The following SLC8A1 variants were observed in gnomAD, a reference collection of about 807,000 sequenced individuals.
The protein encoded by SLC8A1 is sodium/calcium exchanger 1.
SLC8A1 carries 18 observed loss-of-function variants against 68.3 expected under a neutral mutation model. That is an observed-to-expected ratio of 0.26 (90% CI 0.18 to 0.39). The LOEUF (loss-of-function observed/expected upper bound fraction) is 0.39, where lower values mean the gene tolerates loss of function less well. Ranked by LOEUF, SLC8A1 falls within the 10% of genes least tolerant of loss-of-function variation. The pLI is 1.00. For missense variants in SLC8A1, 985 were observed against 1,156.7 expected (o/e 0.85, Z 2.15); for synonymous variants, 475 against 415.5 (o/e 1.14, Z -1.74).
intron 2 of SLC8A1, among the ~76,000 whole-genome samples, chr2:40,358,276 CAAA>C (rs375073331): frequency 1.5e-5 from 2 of 135,304 alleles, no homozygotes; most frequent in African/African-American, 2.6e-5. Flanking sequence ...CAGATTAAGA[CAAA>C]AAAAAAAAAG....
intron 2 of SLC8A1, among the ~76,000 whole-genome samples, chr2:40,287,476 G>C (rs1197575737): frequency 5.3e-5 from 8 of 151,952 alleles, no homozygotes; most frequent in African/African-American, 1.9e-4. Flanking sequence ...ATGTTCTATT[G>C]TTCCAATAAG....
chr2:40,200,219 T>TATAAATATATATATATA (rs1558722197), intron 2 of SLC8A1, among the ~76,000 whole-genome samples: 1 of 2,928 alleles, frequency 3.4e-4, no homozygotes, highest in African/African-American at 8.3e-4. Flanking sequence ...TATATATATA[T>TATAAATATATATATATA]TTTTTTATAT....
chr2:40,172,643 C>G (rs1400427822), intron 4 of SLC8A1, among the ~76,000 whole-genome samples: 1 of 152,076 alleles, frequency 6.6e-6, no homozygotes, highest in South Asian at 2.1e-4. Flanking sequence ...AGAAGGAAGG[C>G]CCTTAAAACA....
At chr2:40,275,882 G>T (rs1232652087) in intron 2 of SLC8A1, among the ~76,000 whole-genome samples, 1 of 152,108 alleles carries the variant, frequency 6.6e-6, no homozygotes, top group East Asian at 1.9e-4. Context: ...CCTATTCCAG[G>T]CTTGAGGGCT....
At chr2:40,238,025 A>G (rs2060647036) in intron 2 of SLC8A1, among the ~76,000 whole-genome samples, 2 of 152,208 alleles carry the variant, frequency 1.3e-5, no homozygotes, top group Admixed American at 6.5e-5. Context: ...AGACAGGGAC[A>G]TTTAAGTCTG....
At chr2:40,213,579 T>A (rs942177749) in intron 2 of SLC8A1, 1 of 152,180 alleles carries the variant, frequency 6.6e-6, no homozygotes, top group African/African-American at 2.4e-5. Flanking sequence ...TTGGGGTACT[T>A]AACCAAAGTC....
intron 2 of SLC8A1, among the ~76,000 whole-genome samples, chr2:40,185,309 T>C (rs2050501985): frequency 6.6e-6 from 1 of 152,222 alleles, no homozygotes. Context: ...ATCGCAGCAT[T>C]ATTCATAATA....
At chr2:40,300,277 C>T (rs2071206334) in intron 2 of SLC8A1, among the ~76,000 whole-genome samples, 1 of 152,106 alleles carries the variant, frequency 6.6e-6, no homozygotes, top group Non-Finnish European at 1.5e-5. Flanking sequence ...ATTCTTACTG[C>T]AATCCTATAA....
At chr2:40,326,879 C>A (rs1342864335) in intron 2 of SLC8A1, among the ~76,000 whole-genome samples, 1 of 152,136 alleles carries the variant, frequency 6.6e-6, no homozygotes, top group Non-Finnish European at 1.5e-5. Flanking sequence ...AGAGAAGGAT[C>A]CTAACCAGAC....
chr2:40,216,962 G>C (rs1192213553), intron 2 of SLC8A1, among the ~76,000 whole-genome samples: 2 of 152,172 alleles, frequency 1.3e-5, no homozygotes, highest in Non-Finnish European at 2.9e-5. Context: ...TGTTCACTCT[G>C]AGGATAGTTT....
intron 2 of SLC8A1, among the ~76,000 whole-genome samples, chr2:40,328,776 TTCC>T (rs2076109117): frequency 1.3e-5 from 2 of 152,080 alleles, no homozygotes; most frequent in African/African-American, 4.8e-5. Context: ...GACTTCCAAT[TTCC>T]TCCTATTGTA....
chr2:40,408,358 T>C (rs1174558950), intron 2 of SLC8A1, among the ~76,000 whole-genome samples: 1 of 152,198 alleles, frequency 6.6e-6, no homozygotes, highest in African/African-American at 2.4e-5. Flanking sequence ...TAGCTTAGAC[T>C]GTGGATATCC....
chr2:40,196,807 T>C (rs745771724), intron 2 of SLC8A1, among the ~76,000 whole-genome samples: 1 of 152,054 alleles, frequency 6.6e-6, no homozygotes, highest in Non-Finnish European at 1.5e-5. Flanking sequence ...TGATCAGGTG[T>C]CATATTCAGG....
chr2:40,362,020 G>T (rs1363723162), intron 2 of SLC8A1, among the ~76,000 whole-genome samples: 1 of 145,646 alleles, frequency 6.9e-6, no homozygotes, highest in African/African-American at 2.5e-5. Context: ...TCAACCTCCT[G>T]AGTAGCTGGG....
chr2:40,217,307 G>C (rs971925060), intron 2 of SLC8A1, among the ~76,000 whole-genome samples: 1 of 152,078 alleles, frequency 6.6e-6, no homozygotes, highest in African/African-American at 2.4e-5. Context: ...GTAGATGTGT[G>C]GTGTTATTTC....
At chr2:40,352,925 A>C (rs12712692) in intron 2 of SLC8A1, among the ~76,000 whole-genome samples, 81,933 of 151,902 alleles carry the variant, frequency 0.54, 23,005 homozygotes, top group African/African-American at 0.7. Context: ...TATCTAATAC[A>C]TCTACGAGAA....
intron 2 of SLC8A1, among the ~76,000 whole-genome samples, chr2:40,292,170 G>T (rs905443007): frequency 6.6e-6 from 1 of 152,036 alleles, no homozygotes; most frequent in Admixed American, 6.6e-5. Context: ...AATATACAGG[G>T]TTCTTCTCTT....
intron 2 of SLC8A1, among the ~76,000 whole-genome samples, chr2:40,281,209 A>G (rs2067466103): frequency 6.6e-6 from 1 of 152,120 alleles, no homozygotes; most frequent in South Asian, 2.1e-4. Flanking sequence ...TTAGCTTTTC[A>G]AAGAATTTCA....
chr2:40,202,002 GCATGCTGGTGTGTGTACA>G (rs1041575903), intron 2 of SLC8A1, among the ~76,000 whole-genome samples: 7 of 151,998 alleles, frequency 4.6e-5, no homozygotes, highest in South Asian at 2.1e-4. Flanking sequence ...GTATATGCAT[GCATGCTGGTGTGTGTACA>G]CATGCTGGTG....
Sources: allele counts gnomAD v4.1 joint callset (sites outside exome capture counted in the v4.1 genomes callset), GRCh38; gene constraint gnomAD v4.1.1; transcripts MANE v1.5; gene names NCBI Gene and HGNC (gene_info 2026-07-23, HGNC 2026-07-21).